Variants in PTPN9 observed in about 807,000 individuals in gnomAD.
The protein encoded by PTPN9 is tyrosine-protein phosphatase non-receptor type 9.
PTPN9 carries 26 observed loss-of-function variants against 69.8 expected under a neutral mutation model. The observed-to-expected ratio is 0.37, with a 90% CI of 0.27 to 0.52. The LOEUF is 0.52. Among genes scored for constraint, PTPN9 ranks in the 20% least tolerant of loss-of-function variants. The pLI is 0.91. For synonymous variants in PTPN9, 274 were observed against 272.5 expected, an observed-to-expected ratio of 1.01 and a Z score of -0.05; for missense variants, 549 against 740.3, an observed-to-expected ratio of 0.74 and a Z score of 3.00.
At chr15:75,507,587 G>A (rs1188850747) in intron 6 of PTPN9, among the ~76,000 whole-genome samples, 1 of 151,780 alleles carries the variant, frequency 6.6e-6, no homozygotes, top group Non-Finnish European at 1.5e-5. Context: ...CTAACACAGT[G>A]AAACTCCGTC....
chr15:75,558,188 C>T (rs1309754004), intron 1 of PTPN9, among the ~76,000 whole-genome samples: 4 of 152,112 alleles, frequency 2.6e-5, no homozygotes, highest in South Asian at 2.1e-4. Flanking sequence ...ATTAGCTGGG[C>T]GTGGTTGCTT....
chr15:75,491,882 C>T (rs562527910), intron 7 of PTPN9, among the ~76,000 whole-genome samples: 4 of 152,212 alleles, frequency 2.6e-5, no homozygotes, highest in African/African-American at 9.6e-5. Context: ...GATGTTCAAA[C>T]CAAATCTCTT....
chr15:75,575,135 G>A lies in PTPN9; in HGVS notation c.63+3579C>T, dbSNP rs910910152. ...ACTACAGGCGCCCGCCACGACGCCC[G>A]GCTAATTTTTTGTATTTTTAGTAGA... On this transcript the variant is annotated intron_variant, in intron 1 of 12. Coordinates refer to ENST00000618819, the MANE Select transcript of PTPN9 (RefSeq NM_002833.4). 8.5e-4 allele frequency among the ~76,000 whole-genome samples: 48 copies of A among 56,566 alleles called. 11 individuals are homozygous for A. Among genetic ancestry groups the A allele is most frequent in the Admixed American group, 1.2e-3 (7 of 5,780 alleles). 37.1% of individuals were successfully genotyped at this position (56,566 alleles called of 152,430 possible). A position where few individuals can be genotyped will look rare whatever the true frequency, so the allele number is the denominator to read the frequency against.
chr15:75,557,769 G>A (rs2075083884), intron 1 of PTPN9, among the ~76,000 whole-genome samples: 1 of 152,164 alleles, frequency 6.6e-6, no homozygotes, highest in Non-Finnish European at 1.5e-5. Flanking sequence ...ATGACAACAT[G>A]AGAGGTTCTG....
chr15:75,558,987 C>T (rs2075090392), intron 1 of PTPN9, among the ~76,000 whole-genome samples: 1 of 152,160 alleles, frequency 6.6e-6, no homozygotes, highest in African/African-American at 2.4e-5. Context: ...TGCCTGGCCA[C>T]CCATCGTCTG....
chr15:75,466,689 C>T lies in PTPN9; in HGVS notation c.*2080G>A, dbSNP rs991673359. 6.6e-6 allele frequency: 1 copy of T among 152,214 alleles called. No individual in the cohort carries two copies. The highest frequency in any genetic ancestry group is 1.5e-5 in the Non-Finnish European group (1 of 68,040). 9.4% of individuals were successfully genotyped at this position (152,214 alleles called of 1,614,324 possible). A position where few individuals can be genotyped will look rare whatever the true frequency, so the allele number is the denominator to read the frequency against. On this transcript the variant is annotated 3_prime_UTR_variant, in exon 13 of 13. Transcript: ENST00000618819. ...GCTAAACAAACCTCTGTTCTCCAAACACAAGATCTCCATCTTCCATGCAGT... is the reference window on the plus strand; with the variant it reads ...GCTAAACAAACCTCTGTTCTCCAAATACAAGATCTCCATCTTCCATGCAGT...
Position 75,487,626 on chromosome 15 carries a change from C to T in PTPN9, c.1062+2582G>A, listed in dbSNP as rs186202312. Reference sequence around the variant, plus strand: ...TCTGACTCCAGAGCCCCAACTCAACCACTGTACTCCACTCCTTCAGGGCAT... The same window carrying T: ...TCTGACTCCAGAGCCCCAACTCAACTACTGTACTCCACTCCTTCAGGGCAT... On this transcript the variant is annotated intron_variant, in intron 8 of 12. Transcript: ENST00000618819. The T allele has an allele frequency of 5.9e-5, 9 of 152,340 alleles. No individual in the cohort carries two copies. In the East Asian group the frequency reaches 1.7e-3, roughly 29 times the overall value. The allele number at this position is 152,340 out of a possible 1,614,324, so 9.4% of individuals were successfully genotyped here.
chr15:75,497,169 T>C (rs552886499), intron 7 of PTPN9, among the ~76,000 whole-genome samples: 1 of 152,264 alleles, frequency 6.6e-6, no homozygotes, highest in East Asian at 1.9e-4. Flanking sequence ...ATTTCAACTT[T>C]ATAATAAATT....
In PTPN9 at chr15:75,465,442, T is replaced by G. The variant is rs1227578625; in HGVS notation, c.*3327A>C. 1 of 152,238 alleles carries G rather than the reference T, an allele frequency of 6.6e-6. No homozygotes were observed. The highest frequency in any genetic ancestry group is 1.5e-5 in the Non-Finnish European group (1 of 68,064). The allele number at this position is 152,238 out of a possible 1,614,324, so 9.4% of individuals were successfully genotyped here. The stretch of plus-strand genomic sequence containing the variant: ...CTCTTGCTTTGTTCACTAAGTCTCC[T>G]GTATGAGAACCCTGACTTGCCAAAC... On this transcript the variant is annotated 3_prime_UTR_variant, in exon 13 of 13. Coordinates refer to ENST00000618819, the MANE Select transcript of PTPN9 (RefSeq NM_002833.4).
At chr15:75,525,203 T>C (rs968355432) in intron 2 of PTPN9, among the ~76,000 whole-genome samples, 1 of 145,928 alleles carries the variant, frequency 6.9e-6, no homozygotes, top group African/African-American at 2.5e-5. Flanking sequence ...GCCAGATTCT[T>C]TTTTTTTTTT....
intron 7 of PTPN9, among the ~76,000 whole-genome samples, chr15:75,498,761 T>G (rs1456007538): frequency 1.3e-5 from 2 of 152,056 alleles, no homozygotes; most frequent in Non-Finnish European, 2.9e-5. Flanking sequence ...CTTCTCAGTC[T>G]TTTGGCTAAG....
intron 9 of PTPN9, among the ~76,000 whole-genome samples, chr15:75,478,011 T>C (rs1028160220): frequency 2.6e-5 from 4 of 152,084 alleles, no homozygotes; most frequent in African/African-American, 9.6e-5. Flanking sequence ...TAGCTAATTT[T>C]TGTATTTTTA....
rs757462800 is a variant in PTPN9 at position 75,468,779 on chromosome 15, T to C, written c.1772A>G (p.Glu591Gly). ...AGGTTCGTAGGAGAGTTACTGACTC[T>C]CCACGGCCAGCAGGTTTTGGCCAGA... ...VSSGQNLLAV[E>G]SQ The change falls in exon 13 of 13, where the codon GAG becomes GGG. Residue 591 changes from glutamate to glycine, a missense_variant. Glu to Gly is a moderately conservative substitution (Grantham distance 98, BLOSUM62 -2). Coordinates refer to ENST00000618819, the MANE Select transcript of PTPN9 (RefSeq NM_002833.4). The C allele has an allele frequency of 2.5e-6, 4 of 1,613,804 alleles. No homozygotes were observed. Among genetic ancestry groups the C allele is most frequent in the Non-Finnish European group, 3.4e-6 (4 of 1,179,892 alleles).
intron 1 of PTPN9, among the ~76,000 whole-genome samples, chr15:75,575,548 T>A (rs2075168115): frequency 6.6e-6 from 1 of 152,192 alleles, no homozygotes; most frequent in African/African-American, 2.4e-5. Flanking sequence ...AGTGAATGTG[T>A]CAGTTCCCAT....
intron 8 of PTPN9, among the ~76,000 whole-genome samples, chr15:75,486,079 G>A (rs1484021209): frequency 4.1e-5 from 5 of 121,386 alleles, no homozygotes; most frequent in South Asian, 5.9e-4. Context: ...CAGCCTGGGC[G>A]ACAAAGCGAG....
intron 8 of PTPN9, among the ~76,000 whole-genome samples, chr15:75,480,400 C>T (rs998404976): frequency 6.6e-6 from 1 of 152,070 alleles, no homozygotes; most frequent in African/African-American, 2.4e-5. Context: ...GTCAGGAGAT[C>T]GAGACCATCC....
At chr15:75,540,617 C>T (rs1307753841) in intron 1 of PTPN9, among the ~76,000 whole-genome samples, 3 of 150,736 alleles carry the variant, frequency 2.0e-5, no homozygotes, top group Non-Finnish European at 2.9e-5. Flanking sequence ...GGAAGCACTA[C>T]TTCTGCTGCC....
chr15:75,562,107 C>T (rs1221509485), intron 1 of PTPN9, among the ~76,000 whole-genome samples: 1 of 152,188 alleles, frequency 6.6e-6, no homozygotes, highest in East Asian at 1.9e-4. Flanking sequence ...CTCGCCTTGG[C>T]TTCCCACAGT....
At chr15:75,491,066 G>A (rs115353239) in intron 7 of PTPN9, among the ~76,000 whole-genome samples, 1,580 of 152,096 alleles carry the variant, frequency 0.01, 31 homozygotes, top group African/African-American at 0.036. Flanking sequence ...CTATGACAGC[G>A]CCACTGCACA....
Sources: allele counts gnomAD v4.1 joint callset (sites outside exome capture counted in the v4.1 genomes callset), GRCh38; gene constraint gnomAD v4.1.1; transcripts MANE v1.5; gene names NCBI Gene and HGNC (gene_info 2026-07-23, HGNC 2026-07-21).